Variants in UNKL observed in about 807,000 individuals in gnomAD.
UNKL encodes unk like zinc finger, also known as putative E3 ubiquitin-protein ligase UNKL.
In UNKL, 60 loss-of-function variants were observed where a neutral mutation model predicts 78.0. The observed-to-expected ratio is 0.77, with a 90% CI of 0.63 to 0.95. UNKL has a LOEUF of 0.95. Ranked by LOEUF, UNKL falls within the 40% of genes least tolerant of loss-of-function variation. The probability of loss-of-function intolerance (pLI) is 0.00; values close to 1 mark genes in which losing one functional copy is unlikely to be tolerated. For synonymous variants in UNKL, 608 were observed against 474.8 expected, an observed-to-expected ratio of 1.28 and a Z score of -3.65; for missense variants, 1,159 against 1,045.7, an observed-to-expected ratio of 1.11 and a Z score of -1.49.
At chr16:1,369,419 G>A (rs1241312062) in intron 12 of UNKL, among the ~76,000 whole-genome samples, 1 of 151,050 alleles carries the variant, frequency 6.6e-6, no homozygotes, top group African/African-American at 2.4e-5. Flanking sequence ...GCCCAGGCTG[G>A]AGCATAATGG....
intron 9 of UNKL, among the ~76,000 whole-genome samples, chr16:1,386,271 G>A (rs2036808955): frequency 6.6e-6 from 1 of 152,146 alleles, no homozygotes; most frequent in African/African-American, 2.4e-5. Context: ...AATTAGCCAA[G>A]GCCGGGCGCG....
rs112996239 is a variant in UNKL, at chr16:1,401,504, C to T, written c.598+64G>A. On this transcript the variant is annotated intron_variant, in intron 4 of 14. Transcript: ENST00000389221. ...GAAAGGCACAGGGAACCAAGTGGCC[C>T]GAGCTGTTCTCGCGCTGTGCCCGCC... 1.0e-3 allele frequency: 1,434 copies of T among 1,423,592 alleles called. 15 individuals are homozygous for T. In the African/African-American group the frequency reaches 0.019, roughly 19 times the overall value. The allele number at this position is 1,423,592 out of a possible 1,614,324, so 88.2% of individuals were successfully genotyped here.
chr16:1,366,483 A>G, intron 14 of UNKL, 88 bp from the exon 15 acceptor site: 1 of 1,429,252 alleles, frequency 7.0e-7, no homozygotes, highest in Non-Finnish European at 9.2e-7. Context: ...GGCAGGACTC[A>G]GCATCTCAGG....
At chr16:1,413,084 C>T (rs1480581407) in intron 2 of UNKL, among the ~76,000 whole-genome samples, 2 of 151,840 alleles carry the variant, frequency 1.3e-5, no homozygotes, top group Non-Finnish European at 2.9e-5. Context: ...CCCATCCCTA[C>T]AAAAACTATG....
Position 1,399,571 on chromosome 16 carries a change from A to C in UNKL, c.599-62T>G. 6.5e-7 allele frequency: 1 copy of C among 1,545,752 alleles called. No individual in the cohort carries two copies. The highest frequency in any genetic ancestry group is 8.7e-7 in the Non-Finnish European group (1 of 1,149,528). The stretch of plus-strand genomic sequence containing the variant: ...CTGGAAGCAATGCTGGGCAGAGGAG[A>C]CCAAAGGTGGAAGGACCTGGCTGTC... On this transcript the variant is annotated intron_variant, in intron 4 of 14. Transcript: ENST00000389221. The surrounding 1 kb of genome is among the most constrained non-coding windows in gnomAD (Gnocchi z 5.8).
intron 6 of UNKL, 161 bp from the exon 7 acceptor site, chr16:1,394,376 G>A (rs2037173031): frequency 2.4e-6 from 2 of 830,100 alleles, no homozygotes; most frequent in Non-Finnish European, 4.0e-6. Context: ...TGTGCCCTTG[G>A]TCCCCACATC....
chr16:1,364,571 G>A lies in UNKL; in HGVS notation c.*1669C>T, dbSNP rs938931793. 4 of 152,270 alleles carry A rather than the reference G, an allele frequency of 2.6e-5. No homozygotes were observed. The highest frequency in any genetic ancestry group is 7.2e-5 in the African/African-American group (3 of 41,436). 9.4% of individuals were successfully genotyped at this position (152,270 alleles called of 1,614,324 possible). A position where few individuals can be genotyped will look rare whatever the true frequency, so the allele number is the denominator to read the frequency against. On this transcript the variant is annotated 3_prime_UTR_variant, in exon 15 of 15. Coordinates refer to ENST00000389221, the MANE Select transcript of UNKL (RefSeq NM_001372107.1). ...CCCTGAGCAGAAGGGTCAGGTCATC[G>A]CGGGGATGCGTTCTCAGTCACGTTT...
At chr16:1,392,757 CTCTTCTAGAA>C in intron 8 of UNKL, 124 bp downstream of exon 8, 1 of 1,079,610 alleles carries the variant, frequency 9.3e-7, no homozygotes, top group South Asian at 1.5e-5. Flanking sequence ...TTTTTCTAGA[CTCTTCTAGAA>C]GAGCCACGAA....
In UNKL at chr16:1,367,349, C is replaced by T. The variant is rs769201519; in HGVS notation, c.1789G>A (p.Val597Ile). Residue 597 changes from valine to isoleucine, a missense_variant and splice_region_variant, in exon 14 of 15, where the codon GTC becomes ATC. By Grantham distance (29) the Val-to-Ile change is conservative. Transcript: ENST00000389221. ...GCCTCTCGCTGCCAGGCATCGCAGA[C>T]CTGAAACCCAGGGCCCGTCTCAGCA... ...WEESWQQVKQ[V>I]CDAWQREAQE... is the part of the protein sequence containing the mutation. 9.7e-6 allele frequency: 15 copies of T among 1,539,966 alleles called. No individual in the cohort carries two copies. In the South Asian group the frequency reaches 1.6e-4, roughly 16 times the overall value.
At chr16:1,401,532 C>CT in intron 4 of UNKL, 36 bp downstream of exon 4, 1 of 1,488,216 alleles carries the variant, frequency 6.7e-7, no homozygotes, top group Non-Finnish European at 9.0e-7. Flanking sequence ...TGCCCGCCCC[C>CT]CCCACCACCG....
intron 5 of UNKL, chr16:1,398,218 A>T (rs1482493300): frequency 3.3e-5 from 24 of 727,122 alleles, no homozygotes; most frequent in Non-Finnish European, 4.1e-5. Flanking sequence ...TTCCTACTGC[A>T]GTGAGCTGAG....
rs182253402 is a variant in UNKL, at chr16:1,414,117, G to A, written c.78-62C>T. On this transcript the variant is annotated intron_variant, in intron 1 of 14. Coordinates refer to ENST00000389221, the MANE Select transcript of UNKL (RefSeq NM_001372107.1). Reference sequence around the variant, plus strand: ...AGCACCTCCAGGGACTCGGACTCGTGGGCGGCGGGACCCACCGGCCTCAGG... The same window carrying A: ...AGCACCTCCAGGGACTCGGACTCGTAGGCGGCGGGACCCACCGGCCTCAGG... 322 of 1,471,876 alleles carry A rather than the reference G, an allele frequency of 2.2e-4. 3 individuals are homozygous for A. In the East Asian group the frequency reaches 5.7e-3, roughly 26 times the overall value. 91.2% of individuals were successfully genotyped at this position (1,471,876 alleles called of 1,614,324 possible). A position where few individuals can be genotyped will look rare whatever the true frequency, so the allele number is the denominator to read the frequency against.
At chr16:1,371,496 C>T (rs1292211113) in intron 11 of UNKL, 23 bp downstream of exon 11, 2 of 1,534,342 alleles carry the variant, frequency 1.3e-6, no homozygotes, top group East Asian at 2.4e-5. Context: ...AGGAGCAGGG[C>T]CCCAGGTCCT....
rs540409389 is a variant in UNKL at position 1,399,796 on chromosome 16, G to A, written c.599-287C>T. ...CCGAGACCACCAGGGCTGGGAGGGA[G>A]TCCTGCTGTGGGTGTGCGGCTTCCT... On this transcript the variant is annotated intron_variant, in intron 4 of 14. Transcript: ENST00000389221. This position sits in a 1 kb window ranked among gnomAD's most constrained non-coding sequence, Gnocchi z 5.8. Among the ~76,000 whole-genome samples the A allele has an allele frequency of 2.6e-5, 4 of 152,320 alleles. No homozygotes were observed. In the Middle Eastern group the frequency reaches 0.01, roughly 389 times the overall value.
intron 10 of UNKL, among the ~76,000 whole-genome samples, chr16:1,375,130 GC>G (rs998842556): frequency 1.3e-5 from 2 of 152,200 alleles, no homozygotes; most frequent in African/African-American, 4.8e-5. Flanking sequence ...CACCCCCCGA[GC>G]CCCCCAGGGC....
intron 2 of UNKL, among the ~76,000 whole-genome samples, chr16:1,404,436 G>A (rs1426582453): frequency 6.6e-6 from 1 of 152,204 alleles, no homozygotes; most frequent in Non-Finnish European, 1.5e-5. Context: ...GAGACACAGA[G>A]TTCAGAGAGG....
chr16:1,390,737 A>G (rs780462814), intron 8 of UNKL, 43 bp from the exon 9 acceptor site: 180 of 1,532,894 alleles, frequency 1.2e-4, no homozygotes, highest in Non-Finnish European at 1.5e-4. Context: ...AGCAGGGAGG[A>G]AATGTAAATT....
chr16:1,399,573 C>A lies in UNKL; in HGVS notation c.599-64G>T. ...GGAAGCAATGCTGGGCAGAGGAGAC[C>A]AAAGGTGGAAGGACCTGGCTGTCCC... On this transcript the variant is annotated intron_variant, in intron 4 of 14. Coordinates refer to ENST00000389221, the MANE Select transcript of UNKL (RefSeq NM_001372107.1). This position sits in a 1 kb window ranked among gnomAD's most constrained non-coding sequence, Gnocchi z 5.8. The A allele has an allele frequency of 6.5e-7, 1 of 1,544,682 alleles. No homozygotes were observed. Among genetic ancestry groups the A allele is most frequent in the South Asian group, 1.2e-5 (1 of 84,404 alleles).
chr16:1,394,412 A>G (rs1373296669), intron 6 of UNKL, 197 bp from the exon 7 acceptor site: 3 of 712,102 alleles, frequency 4.2e-6, no homozygotes, highest in East Asian at 5.4e-5. Flanking sequence ...GCCGACCCAC[A>G]GGGAACACGC....
Sources: gnomAD v4.1 joint callset for allele counts (sites outside exome capture counted in the v4.1 genomes callset) on GRCh38, gnomAD v4.1.1 for gene constraint, Gnocchi (gnomAD v3.1) non-coding constraint, MANE v1.5 for transcripts, NCBI Gene and HGNC (gene_info 2026-07-23, HGNC 2026-07-21) for gene names.